Variants in UNC5C observed in about 807,000 individuals in gnomAD.
The protein encoded by UNC5C is netrin receptor UNC5C.
Under a neutral mutation model 99.8 loss-of-function variants are expected in UNC5C, and 47 were observed. The observed-to-expected ratio is 0.47, with a 90% confidence interval of 0.37 to 0.60. The LOEUF (loss-of-function observed/expected upper bound fraction) is 0.60. UNC5C is among the 20% of genes least tolerant of loss of function. UNC5C has a pLI of 0.00. For synonymous variants in UNC5C, 487 were observed against 452.2 expected (o/e 1.08, Z -0.98); for missense variants, 1,062 against 1,165.9 (o/e 0.91, Z 1.30).
At chr4:95,250,933 T>C (rs781706227) in intron 4 of UNC5C, among the ~76,000 whole-genome samples, 1 of 152,186 alleles carries the variant, frequency 6.6e-6, no homozygotes, top group Non-Finnish European at 1.5e-5. Context: ...AGTGAACCAG[T>C]TGGGAAATAC....
intron 1 of UNC5C, among the ~76,000 whole-genome samples, chr4:95,436,749 T>A (rs1169773454): frequency 2.0e-5 from 3 of 151,768 alleles, no homozygotes; most frequent in African/African-American, 7.3e-5. Flanking sequence ...ATAAAACAAT[T>A]GAGGAAGGGT....
In UNC5C at chr4:95,317,286, C is replaced by T. The variant is rs1449947546; in HGVS notation, c.347-15537G>A. Among the ~76,000 whole-genome samples the T allele has an allele frequency of 2.6e-5, 4 of 152,144 alleles. No individual in the cohort carries two copies. In the East Asian group the frequency reaches 7.7e-4, roughly 29 times the overall value. On this transcript the variant is annotated intron_variant, in intron 2 of 15. Transcript: ENST00000453304. ...CAATGTGCAGGAAAAGGCATAATGG[C>T]TGTTTAGCACTTGCTAGGAGAAGCT...
chr4:95,346,651 C>A (rs1332251427), intron 1 of UNC5C, among the ~76,000 whole-genome samples: 2 of 151,824 alleles, frequency 1.3e-5, no homozygotes, highest in Non-Finnish European at 2.9e-5. Context: ...TGTGATACAT[C>A]CTATTGAGAG....
chr4:95,222,437 C>A (rs184111855), intron 7 of UNC5C, among the ~76,000 whole-genome samples: 1 of 152,066 alleles, frequency 6.6e-6, no homozygotes, highest in East Asian at 1.9e-4. Context: ...TGCTCTGGAG[C>A]CTCACTAAGA....
chr4:95,337,697 AG>A (rs1337419105), intron 1 of UNC5C, among the ~76,000 whole-genome samples: 1 of 152,030 alleles, frequency 6.6e-6, no homozygotes, highest in Non-Finnish European at 1.5e-5. Flanking sequence ...AAGTAAAGAG[AG>A]ATGAACCTAT....
chr4:95,492,205 C>T (rs895465213), intron 1 of UNC5C, among the ~76,000 whole-genome samples: 1 of 151,398 alleles, frequency 6.6e-6, no homozygotes, highest in Non-Finnish European at 1.5e-5. Context: ...TTATGAATAG[C>T]TACACTATCT....
rs946762918 is a variant in UNC5C at position 95,170,197 on chromosome 4, C to A, written c.2587G>T (p.Gly863Cys). Residue 863 changes from glycine to cysteine, a missense_variant, in exon 15 of 16, where the codon GGC becomes TGC. Coordinates refer to ENST00000453304, the MANE Select transcript of UNC5C (RefSeq NM_003728.4). The part of the protein sequence containing the change: ...CSSLDAPQTR[G>C]HDWRMLAHKL... ...TGGGCCAGCATCCTCCAGTCATGGC[C>A]TCTCGTCTGGGGGGCATCCAGGCTG... 3.1e-6 allele frequency: 5 copies of A among 1,614,176 alleles called. No individual in the cohort carries two copies. The highest frequency in any genetic ancestry group is 4.2e-6 in the Non-Finnish European group (5 of 1,180,046).
intron 5 of UNC5C, chr4:95,247,918 C>T (rs542328449): frequency 5.3e-4 from 81 of 152,318 alleles, no homozygotes; most frequent in African/African-American, 1.9e-3. Flanking sequence ...TGTTGTTAAT[C>T]AAGTCTTTCA....
chr4:95,534,775 C>T (rs562402169), intron 1 of UNC5C, among the ~76,000 whole-genome samples: 1 of 151,952 alleles, frequency 6.6e-6, no homozygotes, highest in Non-Finnish European at 1.5e-5. Context: ...AGTAGGGTAC[C>T]TAATTAATTT....
intron 1 of UNC5C, among the ~76,000 whole-genome samples, chr4:95,392,450 A>T (rs1170908575): frequency 1.3e-5 from 2 of 151,266 alleles, no homozygotes; most frequent in Admixed American, 1.3e-4. Context: ...TTTTTAAAAA[A>T]AAAACAGGTT....
At chr4:95,178,473 T>TGAGA (rs1736462542) in intron 14 of UNC5C, among the ~76,000 whole-genome samples, 4 of 151,948 alleles carry the variant, frequency 2.6e-5, no homozygotes, top group Non-Finnish European at 5.9e-5. Flanking sequence ...TTCTTTTTGG[T>TGAGA]GAGAGTATAT....
chr4:95,412,450 G>A (rs577332735), intron 1 of UNC5C, among the ~76,000 whole-genome samples: 34 of 152,236 alleles, frequency 2.2e-4, no homozygotes, highest in African/African-American at 7.5e-4. Flanking sequence ...TAGACTGGAA[G>A]CTCCTTGAAG....
chr4:95,449,089 C>A (rs1192580023), intron 1 of UNC5C, among the ~76,000 whole-genome samples: 2 of 152,050 alleles, frequency 1.3e-5, no homozygotes, highest in African/African-American at 4.8e-5. Context: ...ATTATATCAA[C>A]AAAAAAGACA....
chr4:95,458,079 C>T (rs550619579), intron 1 of UNC5C, among the ~76,000 whole-genome samples: 21 of 152,142 alleles, frequency 1.4e-4, no homozygotes, highest in African/African-American at 5.1e-4. Flanking sequence ...ACATTTCCTC[C>T]GTCACTTAAA....
At chr4:95,484,662 A>G (rs1419263446) in intron 1 of UNC5C, among the ~76,000 whole-genome samples, 1 of 151,860 alleles carries the variant, frequency 6.6e-6, no homozygotes, top group Non-Finnish European at 1.5e-5. Context: ...CCATGCAAAC[A>G]TAAAGTAGAC....
intron 7 of UNC5C, among the ~76,000 whole-genome samples, chr4:95,223,970 T>C (rs1412751784): frequency 6.6e-6 from 1 of 152,106 alleles, no homozygotes; most frequent in Non-Finnish European, 1.5e-5. Context: ...ATGATGCTCA[T>C]CCTGAAACTT....
chr4:95,182,909 G>A lies in UNC5C; in HGVS notation c.2439C>T (p.Cys813=), dbSNP rs1736673658. 2 of 1,613,142 alleles carry A rather than the reference G, an allele frequency of 1.2e-6. No homozygotes were observed. Among genetic ancestry groups the A allele is most frequent in the Non-Finnish European group, 1.7e-6 (2 of 1,179,294 alleles). Residue 813 remains cysteine (C), a synonymous_variant, in exon 14 of 16, where the codon TGC becomes TGT. Coordinates refer to ENST00000453304, the MANE Select transcript of UNC5C (RefSeq NM_003728.4). The stretch of plus-strand genomic sequence containing the variant: ...AGGAGCCACTTACCTCTGACACGGT[G>A]CAGTTGAGCTGGAAGATCTGCCCTT... The part of the protein sequence containing the change: ...EGEGQIFQLN[C]TVSEEPTGID...
At chr4:95,467,274 T>C (rs1017872934) in intron 1 of UNC5C, among the ~76,000 whole-genome samples, 1 of 152,178 alleles carries the variant, frequency 6.6e-6, no homozygotes, top group Non-Finnish European at 1.5e-5. Context: ...GTTGGGGTAA[T>C]TTGTTACGCA....
At chr4:95,477,138 A>T (rs2149476409) in intron 1 of UNC5C, among the ~76,000 whole-genome samples, 1 of 152,214 alleles carries the variant, frequency 6.6e-6, no homozygotes, top group African/African-American at 2.4e-5. Context: ...TAGACTGCTT[A>T]TATATATTGG....
Sources: gnomAD v4.1 joint callset for allele counts (sites outside exome capture counted in the v4.1 genomes callset) on GRCh38, gnomAD v4.1.1 for gene constraint, MANE v1.5 for transcripts, NCBI Gene and HGNC (gene_info 2026-07-23, HGNC 2026-07-21) for gene names.